The following EPHA6 variants were observed in gnomAD, a reference collection of about 807,000 sequenced individuals.
EPHA6 encodes the protein EPH receptor A6, also known as ephrin type-A receptor 6.
In EPHA6, 50 loss-of-function variants were observed where a neutral mutation model predicts 112.0. The ratio of observed to expected loss-of-function variants is 0.45; its 90% CI spans 0.36 to 0.56. The LOEUF is 0.56. EPHA6 is among the 20% of genes least tolerant of loss of function. EPHA6 has a pLI of 0.00. For missense variants in EPHA6, 1,280 were observed against 1,417.4 expected, an observed-to-expected ratio of 0.90 and a Z score of 1.56; for synonymous variants, 529 against 490.7, an observed-to-expected ratio of 1.08 and a Z score of -1.03.
At chr3:97,218,598 C>G (rs932174462) in intron 3 of EPHA6, among the ~76,000 whole-genome samples, 1 of 152,154 alleles carries the variant, frequency 6.6e-6, no homozygotes, top group African/African-American at 2.4e-5. Context: ...GATTCAATTA[C>G]CTCCACCTGG....
chr3:97,633,999 A>G (rs2093925402), intron 13 of EPHA6, among the ~76,000 whole-genome samples: 2 of 152,024 alleles, frequency 1.3e-5, no homozygotes, highest in Admixed American at 6.6e-5. Flanking sequence ...AAGTCTTTAT[A>G]TGTTGCTTTA....
chr3:96,873,097 G>T (rs528648058), intron 2 of EPHA6, among the ~76,000 whole-genome samples: 29 of 151,896 alleles, frequency 1.9e-4, no homozygotes, highest in African/African-American at 6.5e-4. Flanking sequence ...GTGAAACCCC[G>T]TCTTCACTCA....
At chr3:97,528,417 G>A (rs762998140) in intron 10 of EPHA6, among the ~76,000 whole-genome samples, 6 of 152,096 alleles carry the variant, frequency 3.9e-5, no homozygotes, top group South Asian at 2.1e-4. Context: ...CACTAATAAG[G>A]AGCCATACAC....
chr3:97,253,673 A>G (rs1034099627), intron 5 of EPHA6, among the ~76,000 whole-genome samples: 2 of 152,086 alleles, frequency 1.3e-5, no homozygotes, highest in African/African-American at 2.4e-5. Context: ...AATGTGCTTT[A>G]TGTTGTTTTT....
chr3:97,618,268 A>C (rs995589986), intron 13 of EPHA6, among the ~76,000 whole-genome samples: 3 of 152,120 alleles, frequency 2.0e-5, no homozygotes, highest in African/African-American at 7.2e-5. Context: ...TCTGGGATAC[A>C]GCCAAGGCAA....
At chr3:97,745,511 TC>T (rs1426081388) in intron 16 of EPHA6, 1 of 357,040 alleles carries the variant, frequency 2.8e-6, no homozygotes, top group African/African-American at 2.2e-5. Flanking sequence ...AGGACAGAAG[TC>T]ACTGTATGGA....
At chr3:96,886,357 A>G (rs1053069322) in intron 2 of EPHA6, among the ~76,000 whole-genome samples, 1 of 152,086 alleles carries the variant, frequency 6.6e-6, no homozygotes, top group Non-Finnish European at 1.5e-5. Context: ...TGGGAGCTCT[A>G]GTGTTAGGTG....
At chr3:96,939,679 C>G (rs143814422) in intron 2 of EPHA6, among the ~76,000 whole-genome samples, 2 of 152,218 alleles carry the variant, frequency 1.3e-5, no homozygotes, top group African/African-American at 2.4e-5. Flanking sequence ...TTTTCTAGTT[C>G]TTTTAATTGT....
At chr3:96,831,965 C>T (rs2034112300) in intron 1 of EPHA6, among the ~76,000 whole-genome samples, 1 of 152,180 alleles carries the variant, frequency 6.6e-6, no homozygotes, top group African/African-American at 2.4e-5. Flanking sequence ...CAGCTGAAAA[C>T]TCTCAATGCT....
At chr3:96,872,694 A>G (rs772532874) in intron 2 of EPHA6, among the ~76,000 whole-genome samples, 2 of 152,056 alleles carry the variant, frequency 1.3e-5, no homozygotes, top group African/African-American at 2.4e-5. Context: ...GATGAATTGT[A>G]TGTAATTCTT....
intron 3 of EPHA6, among the ~76,000 whole-genome samples, chr3:97,168,305 CTG>C (rs2076591047): frequency 6.6e-6 from 1 of 152,084 alleles, no homozygotes. Context: ...TGGTTTGGCT[CTG>C]TGTTCCCACC....
At chr3:97,111,142 C>A (rs1234906763) in intron 3 of EPHA6, among the ~76,000 whole-genome samples, 1 of 152,042 alleles carries the variant, frequency 6.6e-6, no homozygotes. Context: ...CTCTGACTTA[C>A]ACACCTAAGA....
intron 4 of EPHA6, among the ~76,000 whole-genome samples, chr3:97,231,994 A>C (rs2078539984): frequency 6.6e-6 from 1 of 152,126 alleles, no homozygotes; most frequent in Admixed American, 6.6e-5. Flanking sequence ...ATGAAAGGGG[A>C]TCAGAGAGAC....
At chr3:96,938,685 C>G (rs1483466751) in intron 2 of EPHA6, among the ~76,000 whole-genome samples, 2 of 151,246 alleles carry the variant, frequency 1.3e-5, no homozygotes, top group African/African-American at 2.4e-5. Flanking sequence ...CTGTCTTGTG[C>G]CAGTTTTCAA....
At chr3:97,722,094 C>CTTCAAGTACCCTCCCTAATTGGTA (rs2034557555) in intron 15 of EPHA6, among the ~76,000 whole-genome samples, 1 of 152,142 alleles carries the variant, frequency 6.6e-6, no homozygotes, top group Non-Finnish European at 1.5e-5. Context: ...ACAGAAGAGT[C>CTTCAAGTACCCTCCCTAATTGGTA]TTCAAGTACC....
At chr3:96,823,008 A>C (rs942625792) in intron 1 of EPHA6, among the ~76,000 whole-genome samples, 4 of 151,678 alleles carry the variant, frequency 2.6e-5, no homozygotes, top group African/African-American at 9.7e-5. Context: ...GAAATAAAAA[A>C]GTTTCATTAA....
chr3:97,285,651 T>C (rs2080440193), intron 5 of EPHA6, among the ~76,000 whole-genome samples: 2 of 146,910 alleles, frequency 1.4e-5, no homozygotes, highest in Non-Finnish European at 2.9e-5. Flanking sequence ...TTCCATATAT[T>C]TGCTATTGCA....
intron 11 of EPHA6, among the ~76,000 whole-genome samples, chr3:97,559,312 G>A (rs1386114538): frequency 1.3e-5 from 2 of 152,006 alleles, no homozygotes; most frequent in Admixed American, 6.6e-5. Flanking sequence ...ATATGAATTG[G>A]CATTGATAAT....
At chr3:97,736,581 C>T (rs1006521749) in intron 16 of EPHA6, among the ~76,000 whole-genome samples, 2 of 150,844 alleles carry the variant, frequency 1.3e-5, no homozygotes, top group African/African-American at 4.9e-5. Flanking sequence ...CAGACAGGGG[C>T]AATTTGTGAA....
Sources: allele counts gnomAD v4.1 joint callset (sites outside exome capture counted in the v4.1 genomes callset), GRCh38; gene constraint gnomAD v4.1.1; transcripts MANE v1.5; gene names NCBI Gene and HGNC (gene_info 2026-07-23, HGNC 2026-07-21).